PCYT1B: variants seen among roughly 807,000 people sequenced by gnomAD.
PCYT1B encodes choline-phosphate cytidylyltransferase B.
PCYT1B carries 10 observed loss-of-function variants against 26.4 expected under a neutral mutation model. The ratio of observed to expected loss-of-function variants is 0.38; its 90% CI spans 0.23 to 0.64. The LOEUF is 0.64. Among genes scored for constraint, PCYT1B ranks in the 30% least tolerant of loss-of-function variants. PCYT1B has a pLI of 0.56. For synonymous variants in PCYT1B, 131 were observed against 108.4 expected, an observed-to-expected ratio of 1.21 and a Z score of -1.29; for missense variants, 161 against 292.7, an observed-to-expected ratio of 0.55 and a Z score of 3.28.
intron 1 of PCYT1B, among the ~76,000 whole-genome samples, chrX:24,633,607 G>C (rs1926179178): frequency 1.8e-5 from 2 of 111,559 alleles, no homozygotes; most frequent in Non-Finnish European, 3.8e-5. Flanking sequence ...CTAGGAGATG[G>C]AGGTTGCAGT....
At chrX:24,613,109 G>A (rs1255439247) in intron 2 of PCYT1B, among the ~76,000 whole-genome samples, 10 of 111,669 alleles carry the variant, frequency 9.0e-5, no homozygotes, top group African/African-American at 1.9e-4. Context: ...ACCAATTTAC[G>A]ATGATGTTTG....
At chrX:24,614,352 T>C (rs1405313637) in intron 2 of PCYT1B, among the ~76,000 whole-genome samples, 1 of 111,663 alleles carries the variant, frequency 9.0e-6, no homozygotes, top group Non-Finnish European at 1.9e-5. Flanking sequence ...GCAATTATAT[T>C]ATGTCATAAA....
chrX:24,649,663 T>C (rs1316416248), upstream of PCYT1B, among the ~76,000 whole-genome samples: 1 of 111,985 alleles, frequency 8.9e-6, no homozygotes, highest in African/African-American at 3.2e-5. Context: ...TGAACTCTTG[T>C]CCAAGAGCCT....
intron 5 of PCYT1B, among the ~76,000 whole-genome samples, chrX:24,580,573 C>T (rs1274100873): frequency 3.6e-5 from 4 of 111,877 alleles, no homozygotes; most frequent in Non-Finnish European, 7.5e-5. Context: ...TAAACAAGCA[C>T]AGAGGATGCC....
chrX:24,566,864 T>C (rs747634960), intron 7 of PCYT1B, among the ~76,000 whole-genome samples: 1 of 111,432 alleles, frequency 9.0e-6, no homozygotes, highest in Non-Finnish European at 1.9e-5. Context: ...ATTCCACACG[T>C]CTGCTAATAT....
At chrX:24,573,400 A>G (rs1445100573) in intron 7 of PCYT1B, among the ~76,000 whole-genome samples, 1 of 111,057 alleles carries the variant, frequency 9.0e-6, no homozygotes, top group African/African-American at 3.3e-5. Context: ...TCCTGACCTC[A>G]GGTAATCCAT....
At chrX:24,589,659 G>T (rs1232796928) in intron 4 of PCYT1B, among the ~76,000 whole-genome samples, 1 of 111,689 alleles carries the variant, frequency 9.0e-6, no homozygotes, top group Non-Finnish European at 1.9e-5. Context: ...GCTTAACTAA[G>T]ATTACCTCTT....
At chrX:24,596,790 T>A (rs1198199513) in intron 3 of PCYT1B, among the ~76,000 whole-genome samples, 1 of 111,263 alleles carries the variant, frequency 9.0e-6, no homozygotes, top group East Asian at 2.8e-4. Context: ...CTGACCAAAG[T>A]GGTTTCATGA....
intron 7 of PCYT1B, among the ~76,000 whole-genome samples, chrX:24,573,180 T>C (rs1486944076): frequency 4.6e-5 from 5 of 107,568 alleles, no homozygotes; most frequent in Non-Finnish European, 9.6e-5. Context: ...ATATATATTT[T>C]TGAGACAGAG....
chrX:24,597,087 T>C (rs1417866397), intron 3 of PCYT1B, among the ~76,000 whole-genome samples: 2 of 111,049 alleles, frequency 1.8e-5, no homozygotes, highest in Non-Finnish European at 3.8e-5. Context: ...CTACGATACA[T>C]ATACCCTCAT....
chrX:24,647,540 G>A (rs746161029), upstream of PCYT1B, among the ~76,000 whole-genome samples: 1 of 111,770 alleles, frequency 8.9e-6, no homozygotes, highest in East Asian at 2.8e-4. Flanking sequence ...TCTGGGCACG[G>A]GACCCGGGCT....
intron 7 of PCYT1B, among the ~76,000 whole-genome samples, chrX:24,572,064 T>C (rs1333863852): frequency 9.0e-6 from 1 of 111,547 alleles, no homozygotes; most frequent in Non-Finnish European, 1.9e-5. Flanking sequence ...GGTGTGACTA[T>C]GGCAAACAAG....
chrX:24,613,894 A>C (rs1254556665), intron 2 of PCYT1B, among the ~76,000 whole-genome samples: 1 of 103,133 alleles, frequency 9.7e-6, no homozygotes. Flanking sequence ...TTAAGACTGC[A>C]GTGAGCTGTG....
chrX:24,575,578 T>C (rs1923988668), intron 6 of PCYT1B, among the ~76,000 whole-genome samples: 1 of 112,316 alleles, frequency 8.9e-6, no homozygotes, highest in Non-Finnish European at 1.9e-5. Context: ...TAAATGTCTT[T>C]GAGTTGGATT....
At chrX:24,640,568 A>G (rs774027044) in intron 1 of PCYT1B, among the ~76,000 whole-genome samples, 1 of 111,220 alleles carries the variant, frequency 9.0e-6, no homozygotes, top group South Asian at 3.8e-4. Context: ...CCCTCTAAGA[A>G]CCTGATAGGA....
intron 7 of PCYT1B, among the ~76,000 whole-genome samples, chrX:24,563,718 C>G (rs184966357): frequency 1.2e-3 from 137 of 111,490 alleles, no homozygotes; most frequent in African/African-American, 4.3e-3. Flanking sequence ...ACATATCAGG[C>G]GGCAGTTTCA....
At chrX:24,589,008 A>G (rs920123093) in intron 4 of PCYT1B, among the ~76,000 whole-genome samples, 2 of 111,248 alleles carry the variant, frequency 1.8e-5, no homozygotes, top group Admixed American at 1.9e-4. Context: ...AATTCAATTC[A>G]TATAATGACA....
intron 1 of PCYT1B, among the ~76,000 whole-genome samples, chrX:24,628,434 T>C (rs1285617669): frequency 8.9e-6 from 1 of 111,746 alleles, no homozygotes; most frequent in Non-Finnish European, 1.9e-5. Context: ...TTAAACTCAA[T>C]AATAAAATAA....
rs1442957234 is a variant in PCYT1B, at chrX:24,560,591, T to C, written c.*1702A>G. ...GAGGTTCCAAGCCAGCTCAGCCTCA[T>C]AGTTTTGCTTCACAGCAGACAGCAC... On this transcript the variant is annotated 3_prime_UTR_variant, in exon 8 of 8. Transcript: ENST00000379144. The C allele has an allele frequency of 1.8e-5, 2 of 111,957 alleles. No homozygotes were observed. Among genetic ancestry groups the C allele is most frequent in the African/African-American group, 3.3e-5 (1 of 30,685 alleles). The allele number at this position is 111,957 out of a possible 1,213,427, so 9.2% of individuals were successfully genotyped here. A position where few individuals can be genotyped will look rare whatever the true frequency, so the allele number is the denominator to read the frequency against.
Sources: gnomAD v4.1 joint callset for allele counts (sites outside exome capture counted in the v4.1 genomes callset) on GRCh38, gnomAD v4.1.1 for gene constraint, MANE v1.5 for transcripts, NCBI Gene and HGNC (gene_info 2026-07-23, HGNC 2026-07-21) for gene names.